Variants in DLGAP2 observed in about 807,000 individuals in gnomAD.
The protein encoded by DLGAP2 is DLG associated protein 2.
Under a neutral mutation model 100.3 loss-of-function variants are expected in DLGAP2, and 26 were observed. The ratio of observed to expected loss-of-function variants is 0.26; its 90% CI spans 0.19 to 0.36. The LOEUF is 0.36. DLGAP2 is among the 10% of genes least tolerant of loss of function. The probability of loss-of-function intolerance (pLI) is 1.00; values close to 1 mark genes in which losing one functional copy is unlikely to be tolerated. For synonymous variants in DLGAP2, 886 were observed against 630.1 expected (o/e 1.41, Z -6.08); for missense variants, 1,858 against 1,453.2 (o/e 1.28, Z -4.53).
chr8:858,859 A>G (rs750645140), intron 1 of DLGAP2, among the ~76,000 whole-genome samples: 2 of 152,214 alleles, frequency 1.3e-5, no homozygotes, highest in Non-Finnish European at 2.9e-5. Flanking sequence ...CAACACCAAG[A>G]GTAGCCCTCG....
intron 3 of DLGAP2, among the ~76,000 whole-genome samples, chr8:1,293,104 C>G (rs1800097179): frequency 6.6e-6 from 1 of 152,160 alleles, no homozygotes; most frequent in South Asian, 2.1e-4. Flanking sequence ...TACTCATGAG[C>G]AGGGTCTGCA....
chr8:1,625,052 T>C (rs1797457442), intron 6 of DLGAP2, among the ~76,000 whole-genome samples: 1 of 152,214 alleles, frequency 6.6e-6, no homozygotes. Flanking sequence ...TTTTCTCTGA[T>C]ATTCCATTTT....
intron 6 of DLGAP2, among the ~76,000 whole-genome samples, chr8:1,593,423 C>G (rs183806848): frequency 2.7e-4 from 41 of 152,006 alleles, no homozygotes; most frequent in African/African-American, 9.9e-4. Flanking sequence ...CCACTGCACT[C>G]CAGCCTGGGC....
At chr8:1,581,738 C>T (rs1803269817) in intron 6 of DLGAP2, among the ~76,000 whole-genome samples, 1 of 151,720 alleles carries the variant, frequency 6.6e-6, no homozygotes, top group Non-Finnish European at 1.5e-5. Flanking sequence ...ACAGATAAAA[C>T]CCCACACACA....
At chr8:839,468 A>T (rs1435041743) in intron 1 of DLGAP2, among the ~76,000 whole-genome samples, 1 of 152,240 alleles carries the variant, frequency 6.6e-6, no homozygotes, top group African/African-American at 2.4e-5. Context: ...GAAATAAGCC[A>T]GGCGCAGAAA....
chr8:1,124,527 C>A (rs903576931), intron 2 of DLGAP2, among the ~76,000 whole-genome samples: 3 of 152,136 alleles, frequency 2.0e-5, no homozygotes, highest in Non-Finnish European at 2.9e-5. Context: ...ATATACTTTT[C>A]TGTTTGTTTT....
At chr8:1,206,060 A>G (rs1355903581) in intron 2 of DLGAP2, among the ~76,000 whole-genome samples, 1 of 152,198 alleles carries the variant, frequency 6.6e-6, no homozygotes, top group Non-Finnish European at 1.5e-5. Context: ...GAGCCATCTC[A>G]GTCGGGATAT....
intron 6 of DLGAP2, among the ~76,000 whole-genome samples, chr8:1,571,266 G>A (rs575047818): frequency 6.9e-6 from 1 of 145,954 alleles, no homozygotes; most frequent in Non-Finnish European, 1.5e-5. Flanking sequence ...GTGAACTGGA[G>A]GGGTGTCTTC....
chr8:879,212 A>G (rs1300803537), intron 1 of DLGAP2, among the ~76,000 whole-genome samples: 2 of 152,282 alleles, frequency 1.3e-5, no homozygotes, highest in Non-Finnish European at 2.9e-5. Context: ...GAACAAGTCC[A>G]GAGGCACATA....
intron 1 of DLGAP2, among the ~76,000 whole-genome samples, chr8:816,745 C>A (rs1051061043): frequency 6.6e-6 from 1 of 152,208 alleles, no homozygotes; most frequent in South Asian, 2.1e-4. Flanking sequence ...CTTTGAGATT[C>A]TTGTATTTGG....
intron 2 of DLGAP2, among the ~76,000 whole-genome samples, chr8:1,093,402 C>T (rs1804252328): frequency 6.6e-6 from 1 of 152,038 alleles, no homozygotes; most frequent in Non-Finnish European, 1.5e-5. Context: ...GAAACACCTT[C>T]ACACTGACAG....
intron 2 of DLGAP2, among the ~76,000 whole-genome samples, chr8:1,174,117 C>G (rs13267860): frequency 0.37 from 56,250 of 151,924 alleles, 12,314 homozygotes; most frequent in Non-Finnish European, 0.49. Context: ...GGGCTCAGGG[C>G]TTAGGGGAGA....
At chr8:1,304,792 A>G (rs1043526266) in intron 3 of DLGAP2, among the ~76,000 whole-genome samples, 1 of 152,186 alleles carries the variant, frequency 6.6e-6, no homozygotes, top group South Asian at 2.1e-4. Context: ...TTGTAAATCC[A>G]TATTTTGTGG....
chr8:1,640,385 A>G (rs1659616645), intron 8 of DLGAP2, among the ~76,000 whole-genome samples: 1 of 151,964 alleles, frequency 6.6e-6, no homozygotes, highest in African/African-American at 2.4e-5. Flanking sequence ...TGCTGCTGAC[A>G]TCACGTCTCC....
chr8:1,445,687 C>G (rs1362107742), intron 3 of DLGAP2, among the ~76,000 whole-genome samples: 2 of 152,196 alleles, frequency 1.3e-5, no homozygotes, highest in Admixed American at 6.5e-5. Context: ...AATGGTTGAA[C>G]TAATTTACAG....
chr8:1,563,725 G>A (rs2956909), intron 5 of DLGAP2, among the ~76,000 whole-genome samples: 68,589 of 151,874 alleles, frequency 0.45, 15,680 homozygotes, highest in Middle Eastern at 0.59. Flanking sequence ...TGTGGAAGAT[G>A]TCAGATCTGC....
rs922406873 is a variant in DLGAP2, at chr8:1,708,333, A to T, written c.*6927A>T. 1.3e-5 allele frequency: 2 copies of T among 152,198 alleles called. No individual in the cohort carries two copies. Among genetic ancestry groups the T allele is most frequent in the Non-Finnish European group, 2.9e-5 (2 of 68,030 alleles). The allele number at this position is 152,198 out of a possible 1,614,324, so 9.4% of individuals were successfully genotyped here. A position where few individuals can be genotyped will look rare whatever the true frequency, so the allele number is the denominator to read the frequency against. ...AAAAAAATTACACTCTTCCTCCATT[A>T]TATATTTCATTGTTGAAATATCCTC... On this transcript the variant is annotated 3_prime_UTR_variant, in exon 15 of 15. Coordinates refer to ENST00000637795, the MANE Select transcript of DLGAP2 (RefSeq NM_001346810.2).
rs377155085 is a variant in DLGAP2, at chr8:1,372,278, C to T, written c.106+113395C>T. ...GGTCACCGTGCTGCCAACGCTGGGA[C>T]GCTGGTCACCGTGCTGCCAACGCTG... On this transcript the variant is annotated intron_variant, in intron 3 of 14. Transcript: ENST00000637795. Among the ~76,000 whole-genome samples, 63 of 152,208 alleles carry T rather than the reference C, an allele frequency of 4.1e-4. 1 individual carries two copies. The highest frequency in any genetic ancestry group is 1.2e-3 in the Admixed American group (18 of 15,294).
chr8:797,236 A>G (rs1485105422), intron 1 of DLGAP2, among the ~76,000 whole-genome samples: 1 of 152,156 alleles, frequency 6.6e-6, no homozygotes, highest in African/African-American at 2.4e-5. Flanking sequence ...CACCGTCCCC[A>G]GGGGCTCTCA....
Sources: gnomAD v4.1 joint callset for allele counts (sites outside exome capture counted in the v4.1 genomes callset) on GRCh38, gnomAD v4.1.1 for gene constraint, MANE v1.5 for transcripts, NCBI Gene and HGNC (gene_info 2026-07-23, HGNC 2026-07-21) for gene names.